The following RARB variants were observed in gnomAD, a reference collection of about 807,000 sequenced individuals.
RARB encodes the protein retinoic acid receptor beta.
RARB carries 17 observed loss-of-function variants against 51.9 expected under a neutral mutation model. The observed-to-expected ratio is 0.33, with a 90% CI of 0.22 to 0.49. The LOEUF is 0.49. Ranked by LOEUF, RARB falls within the 20% of genes least tolerant of loss-of-function variation. The pLI is 0.99. For missense variants in RARB, 369 were observed against 550.8 expected, an observed-to-expected ratio of 0.67 and a Z score of 3.30; for synonymous variants, 215 against 195.4, an observed-to-expected ratio of 1.10 and a Z score of -0.84.
intron 2 of RARB, among the ~76,000 whole-genome samples, chr3:25,470,035 G>A (rs1695610485): frequency 1.3e-5 from 2 of 152,138 alleles, no homozygotes; most frequent in South Asian, 2.1e-4. Flanking sequence ...GTTGAGTCAC[G>A]GTCCACCTGA....
chr3:24,840,456 G>T (rs2125330098), intron 1 of RARB, among the ~76,000 whole-genome samples: 1 of 152,310 alleles, frequency 6.6e-6, no homozygotes, highest in Non-Finnish European at 1.5e-5. Context: ...AATGATGGTT[G>T]CTGTGGGTTC....
chr3:25,203,872 C>T (rs1033723684), intron 5 of RARB, among the ~76,000 whole-genome samples: 14 of 152,120 alleles, frequency 9.2e-5, no homozygotes, highest in Non-Finnish European at 2.1e-4. Flanking sequence ...ACATTTTTTC[C>T]TTCATTTCAA....
chr3:24,930,507 A>T (rs1189646082), intron 2 of RARB, among the ~76,000 whole-genome samples: 2 of 152,080 alleles, frequency 1.3e-5, no homozygotes, highest in Non-Finnish European at 2.9e-5. Flanking sequence ...TTGGTTGTAA[A>T]TTCCATTATA....
chr3:25,451,991 T>C (rs569016898), intron 1 of RARB, among the ~76,000 whole-genome samples: 1 of 152,224 alleles, frequency 6.6e-6, no homozygotes, highest in Non-Finnish European at 1.5e-5. Context: ...TGAGAAAAAC[T>C]CTTCAGGGGA....
At chr3:25,337,460 A>G (rs1705096941) in intron 5 of RARB, among the ~76,000 whole-genome samples, 1 of 152,196 alleles carries the variant, frequency 6.6e-6, no homozygotes, top group Non-Finnish European at 1.5e-5. Flanking sequence ...CAATAGCTAC[A>G]TTTAGCCTCA....
intron 2 of RARB, among the ~76,000 whole-genome samples, chr3:24,975,487 A>G (rs1294075884): frequency 1.3e-5 from 2 of 152,174 alleles, no homozygotes; most frequent in Admixed American, 1.3e-4. Flanking sequence ...ATTTAATGAG[A>G]TGCAAATTTG....
At chr3:24,877,236 A>T (rs1559379753) in intron 2 of RARB, among the ~76,000 whole-genome samples, 1 of 152,002 alleles carries the variant, frequency 6.6e-6, no homozygotes, top group Non-Finnish European at 1.5e-5. Context: ...TTCTGTTTAA[A>T]CACAGTTCTG....
intron 5 of RARB, among the ~76,000 whole-genome samples, chr3:25,581,890 G>A (rs560495415): frequency 2.0e-5 from 3 of 152,208 alleles, no homozygotes; most frequent in East Asian, 3.9e-4. Flanking sequence ...CTAGACCTAG[G>A]AGAAGCAAAT....
chr3:25,158,403 G>A (rs541166728), intron 4 of RARB, among the ~76,000 whole-genome samples: 76 of 152,302 alleles, frequency 5.0e-4, no homozygotes, highest in Non-Finnish European at 8.8e-4. Context: ...TCAAGTGAGT[G>A]CTGTTGGCTT....
intron 2 of RARB, among the ~76,000 whole-genome samples, chr3:24,940,104 T>C (rs1575081879): frequency 6.6e-6 from 1 of 152,328 alleles, no homozygotes; most frequent in African/African-American, 2.4e-5. Flanking sequence ...TTTATTTCAG[T>C]AGAAAAGAAA....
chr3:25,150,349 T>C (rs372734416), intron 4 of RARB, among the ~76,000 whole-genome samples: 1 of 152,080 alleles, frequency 6.6e-6, no homozygotes, highest in East Asian at 1.9e-4. Flanking sequence ...CAAGGGAGAA[T>C]AAGCCCAGCA....
At chr3:24,861,903 C>T (rs1702755900) in intron 2 of RARB, among the ~76,000 whole-genome samples, 1 of 152,228 alleles carries the variant, frequency 6.6e-6, no homozygotes, top group Non-Finnish European at 1.5e-5. Context: ...AGTTTAAGAA[C>T]CACTGGTAGG....
rs1553615533 is a variant in RARB at position 25,442,114 on chromosome 3, ATTTT to A, written c.157+13228_157+13231del. ...GGAAGTGACTTTTTAATTTTATTTT[ATTTT>A]TATTTATTTATTTATTTATTTATTT... On this transcript the variant is annotated intron_variant, in intron 1 of 7. Transcript: ENST00000330688. 3.0e-4 allele frequency among the ~76,000 whole-genome samples: 28 copies of A among 94,038 alleles called. 1 individual carries two copies. In the South Asian group the frequency reaches 4.2e-3, roughly 14 times the overall value. The allele number at this position is 94,038 out of a possible 152,430, so 61.7% of individuals were successfully genotyped here. A position where few individuals can be genotyped will look rare whatever the true frequency, so the allele number is the denominator to read the frequency against.
rs1378660272 is a variant in RARB at position 24,850,682 on chromosome 3, T to C, written c.-458-7992T>C. Among the ~76,000 whole-genome samples the C allele has an allele frequency of 3.3e-5, 5 of 152,180 alleles. No homozygotes were observed. The East Asian group carries it at 9.6e-4, about 29-fold the overall frequency. On this transcript the variant is annotated intron_variant, in intron 1 of 11. Coordinates refer to the RARB transcript ENST00000383772. ...GGGGCAGGTTTTCAAGTGGGTAATG[T>C]GAGGTTCTGGGTCTTTGGGTTAGAC...
intron 5 of RARB, among the ~76,000 whole-genome samples, chr3:25,395,969 C>T (rs1016827031): frequency 2.0e-5 from 3 of 152,106 alleles, no homozygotes; most frequent in African/African-American, 7.2e-5. Flanking sequence ...TTTTCTGGTT[C>T]CCTCTCATTT....
At chr3:25,187,652 GA>G (rs1295453995) in intron 5 of RARB, among the ~76,000 whole-genome samples, 2 of 152,042 alleles carry the variant, frequency 1.3e-5, no homozygotes, top group Non-Finnish European at 2.9e-5. Flanking sequence ...AAATGCAAAT[GA>G]AGATTTCATT....
intron 1 of RARB, among the ~76,000 whole-genome samples, chr3:25,433,366 A>G (rs1708286198): frequency 6.6e-6 from 1 of 152,136 alleles, no homozygotes; most frequent in Non-Finnish European, 1.5e-5. Flanking sequence ...TAATTTTTTC[A>G]TTATGTCTGA....
chr3:25,063,071 T>G (rs1698582429), intron 3 of RARB, among the ~76,000 whole-genome samples: 1 of 151,956 alleles, frequency 6.6e-6, no homozygotes, highest in Admixed American at 6.6e-5. Flanking sequence ...GAGATGCTTC[T>G]TAGAGACAAG....
At position 24,850,183 on chromosome 3, in the gene RARB, C is replaced by T. The variant is rs564686578; in HGVS notation, c.-458-8491C>T. Among the ~76,000 whole-genome samples, 455 of 152,262 alleles carry T rather than the reference C, an allele frequency of 3.0e-3. 6 individuals are homozygous for T. The highest frequency in any genetic ancestry group is 3.6e-3 in the Non-Finnish European group (246 of 68,022). ...GAACCCTCATGACCTAAACACATCC[C>T]CAAAGCCTTCACTTCCCAACACAGT... is the stretch of plus-strand genomic sequence containing the variant. On this transcript the variant is annotated intron_variant, in intron 1 of 11. Transcript: ENST00000383772.
Sources: gnomAD v4.1 joint callset for allele counts (sites outside exome capture counted in the v4.1 genomes callset) on GRCh38, gnomAD v4.1.1 for gene constraint, MANE v1.5 for transcripts, NCBI Gene and HGNC (gene_info 2026-07-23, HGNC 2026-07-21) for gene names.